SCHIP1: variants seen among roughly 807,000 people sequenced by gnomAD.
SCHIP1 encodes the protein schwannomin-interacting protein 1.
In SCHIP1, 8 loss-of-function variants were observed where a neutral mutation model predicts 29.7. The ratio of observed to expected loss-of-function variants is 0.27; its 90% CI spans 0.16 to 0.49. The LOEUF is 0.49. SCHIP1 is among the 20% of genes least tolerant of loss of function. The probability of loss-of-function intolerance (pLI) is 0.99; values close to 1 mark genes in which losing one functional copy is unlikely to be tolerated. For missense variants in SCHIP1, 193 were observed against 294.6 expected (o/e 0.66, Z 2.52); for synonymous variants, 76 against 94.9 (o/e 0.80, Z 1.16).
At chr3:159,574,191 A>C in the SCHIP1 span, among the ~76,000 whole-genome samples, 7 of 152,042 alleles carry the variant, frequency 4.6e-5, no homozygotes, top group African/African-American at 1.7e-4. Flanking sequence ...GAGAAGAGGC[A>C]CTCTGGTTTT....
the SCHIP1 span, among the ~76,000 whole-genome samples, chr3:159,300,418 G>A: frequency 6.6e-6 from 1 of 151,996 alleles, no homozygotes; most frequent in African/African-American, 2.4e-5. Flanking sequence ...CTAAGGCAGA[G>A]ACTTCAAGGA....
At chr3:159,376,265 G>A in the SCHIP1 span, among the ~76,000 whole-genome samples, 1 of 152,158 alleles carries the variant, frequency 6.6e-6, no homozygotes, top group Non-Finnish European at 1.5e-5. Context: ...AGCTTTTCAT[G>A]CTTTATGCAG....
intron 2 of SCHIP1, among the ~76,000 whole-genome samples, chr3:159,885,816 T>G (rs1716907153): frequency 1.3e-5 from 2 of 152,262 alleles, no homozygotes; most frequent in South Asian, 4.1e-4. Flanking sequence ...GAGTCTTTGA[T>G]TGTCCCCCTG....
the SCHIP1 span, among the ~76,000 whole-genome samples, chr3:159,724,085 A>G: frequency 6.6e-6 from 1 of 152,144 alleles, no homozygotes; most frequent in Non-Finnish European, 1.5e-5. Flanking sequence ...TGATTTCCAG[A>G]ATGGTATTTC....
the SCHIP1 span, among the ~76,000 whole-genome samples, chr3:159,405,939 AAAG>A: frequency 6.6e-6 from 1 of 151,852 alleles, no homozygotes; most frequent in Non-Finnish European, 1.5e-5. Context: ...AAATAATTAA[AAAG>A]AATAAAACGT....
the SCHIP1 span, among the ~76,000 whole-genome samples, chr3:159,619,733 CAA>C: frequency 1.3e-5 from 2 of 152,074 alleles, no homozygotes; most frequent in Non-Finnish European, 2.9e-5. Flanking sequence ...GGCTGCAATC[CAA>C]AAGTTTGCAG....
At chr3:159,610,602 C>G in the SCHIP1 span, among the ~76,000 whole-genome samples, 1 of 152,158 alleles carries the variant, frequency 6.6e-6, no homozygotes, top group African/African-American at 2.4e-5. Flanking sequence ...ACATCAAACA[C>G]CTACCCTTTG....
At chr3:159,320,550 T>C in the SCHIP1 span, among the ~76,000 whole-genome samples, 57 of 152,216 alleles carry the variant, frequency 3.7e-4, no homozygotes, top group Non-Finnish European at 6.8e-4. Flanking sequence ...CAGGTTCAGA[T>C]CTTCTTGGCA....
At chr3:159,374,383 A>C in the SCHIP1 span, among the ~76,000 whole-genome samples, 3,291 of 152,300 alleles carry the variant, frequency 0.022, 65 homozygotes, top group Admixed American at 0.045. Context: ...ACTTAAAAAA[A>C]GAAATTGAGC....
chr3:159,276,647 C>T, the SCHIP1 span, among the ~76,000 whole-genome samples: 1,342 of 152,214 alleles, frequency 8.8e-3, 18 homozygotes, highest in Non-Finnish European at 0.013. Flanking sequence ...TTAAATATTA[C>T]TAGAAATGAT....
At chr3:159,371,995 A>G in the SCHIP1 span, among the ~76,000 whole-genome samples, 1 of 152,162 alleles carries the variant, frequency 6.6e-6, no homozygotes, top group Non-Finnish European at 1.5e-5. Context: ...ATCATCTCAC[A>G]AGATATTCCA....
chr3:159,828,245 G>C, the SCHIP1 span, among the ~76,000 whole-genome samples: 1 of 151,152 alleles, frequency 6.6e-6, no homozygotes, highest in Non-Finnish European at 1.5e-5. Context: ...CACCTAATAA[G>C]AAGTGCAGTC....
At chr3:159,608,804 T>C in the SCHIP1 span, among the ~76,000 whole-genome samples, 1 of 152,150 alleles carries the variant, frequency 6.6e-6, no homozygotes, top group East Asian at 1.9e-4. Flanking sequence ...TGTTTAAGGA[T>C]CTGTGAGAAA....
the SCHIP1 span, among the ~76,000 whole-genome samples, chr3:159,652,564 A>T: frequency 3.0e-4 from 45 of 151,700 alleles, no homozygotes; most frequent in Non-Finnish European, 5.4e-4. Context: ...AAGGAAGCGG[A>T]TATGTAAACA....
the SCHIP1 span, among the ~76,000 whole-genome samples, chr3:159,354,694 AG>A: frequency 6.6e-6 from 1 of 152,186 alleles, no homozygotes; most frequent in Non-Finnish European, 1.5e-5. Flanking sequence ...TCTGACTGGC[AG>A]GAAAAGGAGA....
At chr3:159,550,318 GTTA>G in the SCHIP1 span, among the ~76,000 whole-genome samples, 2 of 151,918 alleles carry the variant, frequency 1.3e-5, no homozygotes, top group Non-Finnish European at 2.9e-5. Context: ...ACTGAATGAA[GTTA>G]TTAAGATATC....
At chr3:159,315,321 C>G in the SCHIP1 span, among the ~76,000 whole-genome samples, 5 of 150,882 alleles carry the variant, frequency 3.3e-5, no homozygotes, top group Non-Finnish European at 7.4e-5. Flanking sequence ...GCCTCAGCTG[C>G]CTGAGTAGCT....
the SCHIP1 span, among the ~76,000 whole-genome samples, chr3:159,578,890 A>G: frequency 6.6e-6 from 1 of 152,136 alleles, no homozygotes; most frequent in African/African-American, 2.4e-5. Flanking sequence ...AAGATCCTTA[A>G]TTTAATCACA....
At chr3:159,808,343 C>T in the SCHIP1 span, 1 of 152,204 alleles carries the variant, frequency 6.6e-6, no homozygotes, top group South Asian at 2.1e-4. Context: ...ACTAACAGAA[C>T]CCTAATTTGC....
Sources: allele counts gnomAD v4.1 joint callset (sites outside exome capture counted in the v4.1 genomes callset), GRCh38; gene constraint gnomAD v4.1.1; transcripts MANE v1.5; gene names NCBI Gene and HGNC (gene_info 2026-07-23, HGNC 2026-07-21).